PPP1R42: variants seen among roughly 807,000 people sequenced by gnomAD.
PPP1R42 encodes the protein protein phosphatase 1 regulatory subunit 42.
In PPP1R42, 34 loss-of-function variants were observed where a neutral mutation model predicts 31.0. The observed-to-expected ratio is 1.10, with a 90% CI of 0.83 to 1.46. The LOEUF (loss-of-function observed/expected upper bound fraction) is 1.46. Ranked by LOEUF, PPP1R42 falls within the 40% of genes most tolerant of loss-of-function variation. The probability of loss-of-function intolerance (pLI) is 0.00; values close to 1 mark genes in which losing one functional copy is unlikely to be tolerated. For synonymous variants in PPP1R42, 103 were observed against 109.8 expected (o/e 0.94, Z 0.39); for missense variants, 268 against 303.0 (o/e 0.88, Z 0.86).
chr8:67,002,186 G>A (rs1815511277), intron 5 of PPP1R42, among the ~76,000 whole-genome samples: 1 of 151,964 alleles, frequency 6.6e-6, no homozygotes, highest in Non-Finnish European at 1.5e-5. Flanking sequence ...TTTTCTTCTG[G>A]TAGCTTTTAA....
At chr8:67,013,244 G>A in intron 3 of PPP1R42, 148 bp from the exon 4 acceptor site, 1 of 564,170 alleles carries the variant, frequency 1.8e-6, no homozygotes, top group South Asian at 4.0e-5. Context: ...TGAAAGGTTG[G>A]TTTATCTAAA....
chr8:66,971,455 T>G (rs922269311), intron 7 of PPP1R42, among the ~76,000 whole-genome samples: 1 of 152,194 alleles, frequency 6.6e-6, no homozygotes, highest in Non-Finnish European at 1.5e-5. Context: ...GGGAGTAAAT[T>G]AATCGTGTAT....
rs1179382133 is a variant in PPP1R42, at chr8:67,014,425, C to T, written c.296+1G>A. On this transcript the variant is annotated splice_donor_variant, in intron 3 of 7. Transcript: ENST00000685739. LOFTEE classifies it high-confidence loss of function. ...CATTATTAAAAAATAAAAGCACTTA[C>T]AGTTTTTCCAGTTTCTTTAATGACC... 2.0e-6 allele frequency: 3 copies of T among 1,469,550 alleles called. No homozygotes were observed. The highest frequency in any genetic ancestry group is 2.5e-5 in the East Asian group (1 of 40,486). 91.0% of individuals were successfully genotyped at this position (1,469,550 alleles called of 1,614,324 possible).
chr8:67,019,689 G>A (rs184611565), intron 1 of PPP1R42, among the ~76,000 whole-genome samples: 2 of 151,560 alleles, frequency 1.3e-5, no homozygotes, highest in Non-Finnish European at 2.9e-5. Flanking sequence ...TCAGGAGATC[G>A]AGACCATCCT....
intron 1 of PPP1R42, among the ~76,000 whole-genome samples, chr8:67,022,789 T>A (rs114350658): frequency 1.5e-3 from 226 of 152,228 alleles, no homozygotes; most frequent in African/African-American, 5.2e-3. Flanking sequence ...TTCTCTTCCA[T>A]TATTTATATA....
At chr8:67,000,099 G>C (rs1217461821) in intron 5 of PPP1R42, among the ~76,000 whole-genome samples, 2 of 152,060 alleles carry the variant, frequency 1.3e-5, no homozygotes, top group Admixed American at 1.3e-4. Context: ...AATTTCTGCT[G>C]TTATTTTCCT....
chr8:67,011,107 T>C (rs1815831635), intron 4 of PPP1R42, among the ~76,000 whole-genome samples: 1 of 151,838 alleles, frequency 6.6e-6, no homozygotes, highest in African/African-American at 2.4e-5. Flanking sequence ...ACTTATAGAA[T>C]AAAGAAGCCA....
intron 1 of PPP1R42, among the ~76,000 whole-genome samples, chr8:67,024,935 A>AT (rs111426449): frequency 0.075 from 10,085 of 133,792 alleles, 836 homozygotes; most frequent in African/African-American, 0.21. Flanking sequence ...TAGGATTTTA[A>AT]TTTTTTTTTT....
chr8:66,986,063 A>G (rs1239866605), intron 6 of PPP1R42: 3 of 742,004 alleles, frequency 4.0e-6, no homozygotes, highest in Non-Finnish European at 5.1e-6. Context: ...AATCATCAAG[A>G]AAAGGTTTCA....
chr8:66,988,217 G>C, intron 6 of PPP1R42, 183 bp downstream of exon 6: 1 of 1,234,006 alleles, frequency 8.1e-7, no homozygotes, highest in Non-Finnish European at 1.0e-6. Flanking sequence ...CTGAACAGCA[G>C]ATGTTTTTCA....
At position 66,969,672 on chromosome 8, in the gene PPP1R42, C is replaced by A. The variant is rs924609477; in HGVS notation, c.803-5338G>T. 3.3e-5 allele frequency among the ~76,000 whole-genome samples: 5 copies of A among 152,188 alleles called. No homozygotes were observed. In the East Asian group the frequency reaches 9.6e-4, roughly 29 times the overall value. ...TTGAGGTGGGCTGTACTAGGCAATTCTAAATCATCATCCCTCGATGGGACC... is the reference window on the plus strand; with the variant it reads ...TTGAGGTGGGCTGTACTAGGCAATTATAAATCATCATCCCTCGATGGGACC... On this transcript the variant is annotated intron_variant, in intron 7 of 7. Coordinates refer to ENST00000685739, the MANE Select transcript of PPP1R42 (RefSeq NM_001364910.1).
chr8:67,013,968 T>A (rs1430090799), intron 3 of PPP1R42, among the ~76,000 whole-genome samples: 2 of 152,232 alleles, frequency 1.3e-5, no homozygotes, highest in African/African-American at 4.8e-5. Context: ...AATGCCTTTT[T>A]ACAATCAAGT....
At chr8:67,018,375 C>T (rs1024747661) in intron 1 of PPP1R42, among the ~76,000 whole-genome samples, 5 of 151,942 alleles carry the variant, frequency 3.3e-5, no homozygotes, top group African/African-American at 9.7e-5. Context: ...GCCTCGGCCT[C>T]CCAAAGTGCT....
intron 5 of PPP1R42, among the ~76,000 whole-genome samples, chr8:66,988,822 A>G (rs770117750): frequency 2.6e-5 from 4 of 152,176 alleles, no homozygotes; most frequent in African/African-American, 7.2e-5. Context: ...AAGATGCCCT[A>G]TTCTTAGTGT....
At chr8:67,017,212 G>A (rs949225275) in intron 2 of PPP1R42, among the ~76,000 whole-genome samples, 8 of 152,248 alleles carry the variant, frequency 5.3e-5, no homozygotes, top group South Asian at 2.1e-4. Context: ...AGTGGCTTGC[G>A]TGTGTAATCC....
At chr8:67,009,642 G>A (rs183727125) in intron 5 of PPP1R42, among the ~76,000 whole-genome samples, 41 of 152,198 alleles carry the variant, frequency 2.7e-4, no homozygotes, top group Non-Finnish European at 5.0e-4. Flanking sequence ...TTTTCACATT[G>A]TAAGTTGAAA....
chr8:67,013,008 G>T lies in PPP1R42; in HGVS notation c.385C>A (p.Pro129Thr). 11 of 1,612,266 alleles carry T rather than the reference G, an allele frequency of 6.8e-6. No individual in the cohort carries two copies. The highest frequency in any genetic ancestry group is 8.5e-6 in the Non-Finnish European group (10 of 1,179,302). Residue 129 changes from proline to threonine, a missense_variant, in exon 4 of 8, where the codon CCC (proline) becomes ACC (threonine). Physicochemically the swap from Pro to Thr is conservative, Grantham distance 38. Coordinates refer to ENST00000685739, the MANE Select transcript of PPP1R42 (RefSeq NM_001364910.1). ...TCAAACAGAAGCTTTTCCCCAAGGG[G>T]AAGCCTCTGATTCTCAACATGAAGC... ...RELHVENQRL[P>T]LGEKLLFDPR...
At chr8:66,996,252 A>G (rs1815331577) in intron 5 of PPP1R42, among the ~76,000 whole-genome samples, 1 of 152,148 alleles carries the variant, frequency 6.6e-6, no homozygotes. Flanking sequence ...GGGTTTCACC[A>G]TCTTTCCCAG....
In PPP1R42 at chr8:67,010,810, T is replaced by C; in HGVS notation, c.457A>G (p.Ile153Val). The C allele has an allele frequency of 6.3e-7, 1 of 1,597,254 alleles. No homozygotes were observed. The highest frequency in any genetic ancestry group is 8.5e-7 in the Non-Finnish European group (1 of 1,170,738). ...ATGTCATCAATATTATTATTGCTGATATTCAATATACAGAGGGATTTCTGT... is the reference window on the plus strand; with the variant it reads ...ATGTCATCAATATTATTATTGCTGACATTCAATATACAGAGGGATTTCTGT... Reference protein sequence around the residue: ...SLAKSLCILNISNNNIDDITD... With the variant: ...SLAKSLCILNVSNNNIDDITD... The change falls in exon 5 of 8, where the codon ATC becomes GTC. Residue 153 changes from isoleucine (I) to valine (V), a missense_variant. By Grantham distance (29) the Ile-to-Val change is conservative. Transcript: ENST00000685739.
Sources: allele counts gnomAD v4.1 joint callset (sites outside exome capture counted in the v4.1 genomes callset), GRCh38; gene constraint gnomAD v4.1.1; transcripts MANE v1.5; gene names NCBI Gene and HGNC (gene_info 2026-07-23, HGNC 2026-07-21).